STOX2: variants seen among roughly 807,000 people sequenced by gnomAD.
STOX2 encodes the protein storkhead-box protein 2.
Under a neutral mutation model 60.9 loss-of-function variants are expected in STOX2, and 28 were observed. That is an observed-to-expected ratio of 0.46 (90% CI 0.34 to 0.63). The LOEUF (loss-of-function observed/expected upper bound fraction) is 0.63. Ranked by LOEUF, STOX2 falls within the 30% of genes least tolerant of loss-of-function variation. STOX2 has a pLI of 0.01. For missense variants in STOX2, 1,024 were observed against 1,187.7 expected (o/e 0.86, Z 2.03); for synonymous variants, 472 against 463.9 (o/e 1.02, Z -0.22).
chr4:183,928,541 G>A (rs752302955), intron 1 of STOX2, among the ~76,000 whole-genome samples: 4 of 152,152 alleles, frequency 2.6e-5, no homozygotes, highest in Non-Finnish European at 5.9e-5. Flanking sequence ...GGGTGATCAG[G>A]ATGGAGGTCT....
At chr4:183,946,235 G>A (rs923551851) in intron 1 of STOX2, among the ~76,000 whole-genome samples, 1 of 152,186 alleles carries the variant, frequency 6.6e-6, no homozygotes, top group East Asian at 1.9e-4. Flanking sequence ...TTCATTTCAA[G>A]CGTTTATTTG....
intron 1 of STOX2, among the ~76,000 whole-genome samples, chr4:183,928,266 C>T (rs1015509824): frequency 1.3e-5 from 2 of 152,150 alleles, no homozygotes; most frequent in African/African-American, 4.8e-5. Flanking sequence ...CATCTCTGCA[C>T]CTCCCCAGAG....
In STOX2 at chr4:183,946,712, G is replaced by A. The variant is rs560018676; in HGVS notation, c.166+39756G>A. On this transcript the variant is annotated intron_variant, in intron 1 of 3. Transcript: ENST00000308497. ...ATGATCTCAACTCACTGCAACCTCCGCCTCCCAGCTTCAAGCAATTCTCCT... is the reference window on the plus strand; with the variant it reads ...ATGATCTCAACTCACTGCAACCTCCACCTCCCAGCTTCAAGCAATTCTCCT... Among the ~76,000 whole-genome samples, 47 of 147,364 alleles carry A rather than the reference G, an allele frequency of 3.2e-4. No homozygotes were observed. The South Asian group carries it at 7.1e-3, about 22-fold the overall frequency.
chr4:183,878,831 G>C (rs907529109), intron 1 of STOX2, among the ~76,000 whole-genome samples: 1 of 152,096 alleles, frequency 6.6e-6, no homozygotes, highest in Non-Finnish European at 1.5e-5. Context: ...AGGATGGCCC[G>C]TAAGGGGTGA....
At chr4:183,939,960 A>G (rs1238234364) in intron 1 of STOX2, among the ~76,000 whole-genome samples, 1 of 152,108 alleles carries the variant, frequency 6.6e-6, no homozygotes, top group African/African-American at 2.4e-5. Flanking sequence ...CTGGAGTGCA[A>G]TGGCACGATC....
At chr4:183,809,049 G>A (rs1390671011) in intron 1 of STOX2, among the ~76,000 whole-genome samples, 2 of 152,164 alleles carry the variant, frequency 1.3e-5, no homozygotes, top group African/African-American at 4.8e-5. Context: ...CTTGAATTTT[G>A]TGGAATTTGG....
chr4:183,854,827 A>T (rs1256198972), intron 1 of STOX2, among the ~76,000 whole-genome samples: 1 of 152,240 alleles, frequency 6.6e-6, no homozygotes, highest in Admixed American at 6.5e-5. Flanking sequence ...TATCCAACAC[A>T]TATGGAAGAT....
chr4:183,922,407 C>T (rs1255212806), intron 1 of STOX2, among the ~76,000 whole-genome samples: 3 of 149,908 alleles, frequency 2.0e-5, no homozygotes, highest in South Asian at 2.1e-4. Context: ...AGTGCAGTGG[C>T]GTGATCTTGG....
intron 1 of STOX2, among the ~76,000 whole-genome samples, chr4:183,919,977 A>G (rs2111100015): frequency 6.6e-6 from 1 of 152,326 alleles, no homozygotes; most frequent in South Asian, 2.1e-4. Flanking sequence ...TAGTCCTCAC[A>G]GCAATCCTGC....
At chr4:183,979,978 T>C (rs912103675) in intron 1 of STOX2, among the ~76,000 whole-genome samples, 13 of 152,232 alleles carry the variant, frequency 8.5e-5, no homozygotes, top group Admixed American at 6.5e-4. Flanking sequence ...TTTTATTTAA[T>C]TTAGATTAAC....
intron 1 of STOX2, among the ~76,000 whole-genome samples, chr4:183,964,029 C>G (rs1025808397): frequency 3.3e-5 from 5 of 152,150 alleles, no homozygotes; most frequent in Non-Finnish European, 7.3e-5. Context: ...CCTTCCTCGG[C>G]CTCCCAAAGT....
intron 1 of STOX2, among the ~76,000 whole-genome samples, chr4:183,931,189 C>T (rs960690590): frequency 5.3e-5 from 8 of 151,980 alleles, no homozygotes; most frequent in African/African-American, 1.5e-4. Context: ...TTTGGGAGGC[C>T]GAGGCAGGCA....
At chr4:183,972,215 A>G (rs1159204497) in intron 1 of STOX2, among the ~76,000 whole-genome samples, 1 of 152,164 alleles carries the variant, frequency 6.6e-6, no homozygotes, top group African/African-American at 2.4e-5. Context: ...TGGTCCTAAG[A>G]GCATGGGGCG....
At chr4:183,885,988 G>A (rs1226229573) in intron 1 of STOX2, among the ~76,000 whole-genome samples, 2 of 152,210 alleles carry the variant, frequency 1.3e-5, no homozygotes, top group Non-Finnish European at 2.9e-5. Flanking sequence ...GGGTGGACAC[G>A]AGGGCTCTGA....
intron 1 of STOX2, among the ~76,000 whole-genome samples, chr4:183,830,239 A>G (rs965363946): frequency 7.9e-5 from 12 of 152,324 alleles, no homozygotes; most frequent in African/African-American, 2.2e-4. Context: ...CCTTGCACAC[A>G]GTAGAAAATT....
chr4:183,907,751 C>A (rs1741661124), intron 1 of STOX2, among the ~76,000 whole-genome samples: 1 of 152,076 alleles, frequency 6.6e-6, no homozygotes, highest in Non-Finnish European at 1.5e-5. Context: ...ATTTGGGAAC[C>A]CAGGGATGAA....
At chr4:183,987,341 G>C (rs1329959676) in intron 1 of STOX2, among the ~76,000 whole-genome samples, 3 of 151,098 alleles carry the variant, frequency 2.0e-5, no homozygotes, top group African/African-American at 4.9e-5. Context: ...AAATTCCTCT[G>C]TGTGTGTGTG....
Position 183,983,385 on chromosome 4 carries a change from G to A in STOX2, c.167-17940G>A, listed in dbSNP as rs191760022. On this transcript the variant is annotated intron_variant, in intron 1 of 3. Transcript: ENST00000308497. ...AATATAGGAGCGGTACTCATTCATC[G>A]TTACTGTGACCTCAGCCACATGCTA... 2.7e-3 allele frequency among the ~76,000 whole-genome samples: 411 copies of A among 152,296 alleles called. 4 individuals carry two copies. The highest frequency in any genetic ancestry group is 8.6e-3 in the African/African-American group (358 of 41,562).
intron 1 of STOX2, among the ~76,000 whole-genome samples, chr4:183,977,546 C>T (rs1235144800): frequency 6.8e-6 from 1 of 147,904 alleles, no homozygotes. Flanking sequence ...CATTCCATTT[C>T]GTGTGTGTGT....
Sources: gnomAD v4.1 joint callset for allele counts (sites outside exome capture counted in the v4.1 genomes callset) on GRCh38, gnomAD v4.1.1 for gene constraint, MANE v1.5 for transcripts, NCBI Gene and HGNC (gene_info 2026-07-23, HGNC 2026-07-21) for gene names.